The following SERPINB6 variants were observed in gnomAD, a reference collection of about 807,000 sequenced individuals.
SERPINB6 encodes the protein serpin B6.
In SERPINB6, 16 loss-of-function variants were observed where a neutral mutation model predicts 26.1. That is an observed-to-expected ratio of 0.61 (90% CI 0.42 to 0.93). SERPINB6 has a LOEUF of 0.93. Among genes scored for constraint, SERPINB6 ranks in the 40% least tolerant of loss-of-function variants. SERPINB6 has a pLI of 0.00. For missense variants in SERPINB6, 420 were observed against 478.0 expected (o/e 0.88, Z 1.13); for synonymous variants, 174 against 176.6 (o/e 0.99, Z 0.11).
intron 2 of SERPINB6, 54 bp downstream of exon 2, chr6:2,959,114 G>A (rs2113250226): frequency 2.5e-6 from 4 of 1,605,548 alleles, no homozygotes; most frequent in African/African-American, 1.3e-5. Context: ...TTTGGAATAA[G>A]GAGGACCAGC....
At position 2,971,251 on chromosome 6, in the gene SERPINB6, G is replaced by A. The variant is rs973747564; in HGVS notation, c.-11+282C>T. 83 of 891,802 alleles carry A rather than the reference G, an allele frequency of 9.3e-5. No homozygotes were observed. The African/African-American group carries it at 1.4e-3, about 15-fold the overall frequency. 55.2% of individuals were successfully genotyped at this position (891,802 alleles called of 1,614,324 possible). A position where few individuals can be genotyped will look rare whatever the true frequency, so the allele number is the denominator to read the frequency against. Reference sequence around the variant, plus strand: ...CTCGCGGCCACGCACGACTCACCCGGCCGCGTCGCCGTTCTCTGCCGCTGC... The same window carrying A: ...CTCGCGGCCACGCACGACTCACCCGACCGCGTCGCCGTTCTCTGCCGCTGC... On this transcript the variant is annotated intron_variant, in intron 1 of 6. Coordinates refer to ENST00000380539, the MANE Select transcript of SERPINB6 (RefSeq NM_004568.6).
rs569651117 is a variant in SERPINB6 at position 2,971,091 on chromosome 6, G to A, written c.-11+442C>T. 4 of 1,111,922 alleles carry A rather than the reference G, an allele frequency of 3.6e-6. No individual in the cohort carries two copies. The South Asian group carries it at 1.8e-4, about 50-fold the overall frequency. The allele number at this position is 1,111,922 out of a possible 1,614,324, so 68.9% of individuals were successfully genotyped here. A position where few individuals can be genotyped will look rare whatever the true frequency, so the allele number is the denominator to read the frequency against. On this transcript the variant is annotated intron_variant, in intron 1 of 6. Transcript: ENST00000380539. ...GTCGCGGAGCGGGCGAGGGGTCACC[G>A]AGGCCGCGGGGCCGACCGGGGTCAC...
At chr6:2,960,665 C>T (rs1488185162) in intron 1 of SERPINB6, 2 of 152,342 alleles carry the variant, frequency 1.3e-5, no homozygotes, top group East Asian at 3.8e-4. Context: ...TACTGGAGGC[C>T]CTGTGAGGAG....
In SERPINB6 at chr6:2,948,304, A is replaced by G. The variant is rs780073348; in HGVS notation, c.1125T>C (p.Ser375=). The change falls in exon 7 of 7, where the codon TCT becomes TCC. Residue 375 remains serine (S), a synonymous_variant. Transcript: ENST00000380539. This position sits in a 1 kb window ranked among gnomAD's most constrained non-coding sequence, Gnocchi z 5.0. ...CACCAAGACTGCCCTGTCCTCACGGAGAGGAAAAGCGGCCGCAGAAGAGAA... is the reference window on the plus strand; with the variant it reads ...CACCAAGACTGCCCTGTCCTCACGGGGAGGAAAAGCGGCCGCAGAAGAGAA... ...NGILFCGRFS[S]P The G allele has an allele frequency of 2.5e-6, 4 of 1,613,522 alleles. No homozygotes were observed. The highest frequency in any genetic ancestry group is 3.4e-6 in the Non-Finnish European group (4 of 1,179,954).
intron 3 of SERPINB6, 118 bp from the exon 4 acceptor site, chr6:2,954,827 A>G: frequency 1.3e-6 from 1 of 745,946 alleles, no homozygotes; most frequent in South Asian, 1.5e-5. Flanking sequence ...TACATAATTT[A>G]CAAATAAATA....
chr6:2,970,004 C>G (rs73347862), intron 1 of SERPINB6: 1 of 894,520 alleles, frequency 1.1e-6, no homozygotes, highest in African/African-American at 1.9e-5. Context: ...GTATGGAGCC[C>G]GGGAGGTGGA....
At chr6:2,958,528 G>A (rs973217627) in intron 2 of SERPINB6, among the ~76,000 whole-genome samples, 3 of 152,106 alleles carry the variant, frequency 2.0e-5, no homozygotes, top group African/African-American at 4.8e-5. Context: ...CCAGGCCTAC[G>A]GAAGCCCAGG....
chr6:2,964,577 T>C (rs577974245), intron 1 of SERPINB6, among the ~76,000 whole-genome samples: 1 of 152,330 alleles, frequency 6.6e-6, no homozygotes, highest in Admixed American at 6.5e-5. Flanking sequence ...TTTCACATTT[T>C]CTATAGCATA....
chr6:2,949,177 C>G (rs960929515), intron 5 of SERPINB6, 108 bp from the exon 6 acceptor site: 15 of 1,258,390 alleles, frequency 1.2e-5, no homozygotes, highest in Non-Finnish European at 1.5e-5. Flanking sequence ...AGCTCGGTTT[C>G]TCCCCAGCTT....
chr6:2,948,641 T>C lies in SERPINB6; in HGVS notation c.788A>G (p.Asp263Gly). 1 of 1,614,126 alleles carries C rather than the reference T, an allele frequency of 6.2e-7. No homozygotes were observed. Among genetic ancestry groups the C allele is most frequent in the South Asian group, 1.1e-5 (1 of 91,088 alleles). Residue 263 changes from aspartate (D) to glycine (G), a missense_variant, in exon 7 of 7, where the codon GAT (aspartate) becomes GGT (glycine). Coordinates refer to ENST00000380539, the MANE Select transcript of SERPINB6 (RefSeq NM_004568.6). This position sits in a 1 kb window ranked among gnomAD's most constrained non-coding sequence, Gnocchi z 5.0. ...GAGGGACACTTCCACCTCCTCTTCA[T>C]CCATCATGTCCAGCCTCGTCCATTC... Reference protein sequence around the residue: ...FVEWTRLDMMDEEEVEVSLPR... With the variant: ...FVEWTRLDMMGEEEVEVSLPR...
At chr6:2,970,724 CAAAAAAAAAAA>C (rs70995402) in intron 1 of SERPINB6, 8 of 1,071,662 alleles carry the variant, frequency 7.5e-6, no homozygotes, top group Admixed American at 5.8e-5. Flanking sequence ...ATCTTTAGGA[CAAAAAAAAAAA>C]AAAAAAAAAG....
chr6:2,955,048 T>C (rs1420107696), intron 3 of SERPINB6: 3 of 307,836 alleles, frequency 9.7e-6, no homozygotes, highest in Non-Finnish European at 6.2e-6. Flanking sequence ...AAATTAGCCA[T>C]GTATGGTGGC....
chr6:2,952,942 G>C, intron 5 of SERPINB6, 102 bp downstream of exon 5: 1 of 1,534,534 alleles, frequency 6.5e-7, no homozygotes. Context: ...CAAGCAGGAG[G>C]GGCAGGGACA....
chr6:2,953,193 G>A lies in SERPINB6; in HGVS notation c.431-7C>T, dbSNP rs1021273325. 1.2e-6 allele frequency: 2 copies of A among 1,614,132 alleles called. No individual in the cohort carries two copies. The highest frequency in any genetic ancestry group is 1.1e-5 in the South Asian group (1 of 91,082). On this transcript the variant is annotated splice_polypyrimidine_tract_variant and splice_region_variant and intron_variant, in intron 4 of 6. Coordinates refer to ENST00000380539, the MANE Select transcript of SERPINB6 (RefSeq NM_004568.6). ...AGCAACTCCGCAATTTTACCTGAGC[G>A]GAAGAATTCAAGACCGCATTAGATA...
chr6:2,963,234 TAATA>T (rs1771310306), intron 1 of SERPINB6, among the ~76,000 whole-genome samples: 1 of 152,192 alleles, frequency 6.6e-6, no homozygotes. Flanking sequence ...AGACAATAGC[TAATA>T]ATTATATTTA....
At position 2,948,388 on chromosome 6, in the gene SERPINB6, G is replaced by T; in HGVS notation, c.1041C>A (p.Pro347=). 1 of 1,614,190 alleles carries T rather than the reference G, an allele frequency of 6.2e-7. No homozygotes were observed. The highest frequency in any genetic ancestry group is 8.5e-7 in the Non-Finnish European group (1 of 1,180,024). The change falls in exon 7 of 7, where the codon CCC becomes CCA. Residue 347 remains proline, a synonymous_variant. Coordinates refer to ENST00000380539, the MANE Select transcript of SERPINB6 (RefSeq NM_004568.6). The surrounding 1 kb of genome is among the most constrained non-coding windows in gnomAD (Gnocchi z 5.0). ...GGAAGGGGTGGTCGGCGCAGAAGCG[G>T]GGGACGAATCTGGCACACCGCATCA... ...IMMMRCARFV[P]RFCADHPFLF... is the part of the protein sequence containing the mutation.
intron 2 of SERPINB6, among the ~76,000 whole-genome samples, chr6:2,958,903 A>G (rs1322102986): frequency 6.6e-6 from 1 of 152,162 alleles, no homozygotes; most frequent in Non-Finnish European, 1.5e-5. Flanking sequence ...ACAACCATCT[A>G]CAAACTCACG....
At chr6:2,970,459 A>G (rs1772035683) in intron 1 of SERPINB6, 7 of 1,097,024 alleles carry the variant, frequency 6.4e-6, no homozygotes, top group Non-Finnish European at 6.6e-6. Context: ...CCCAGCACAC[A>G]TAAAAGCCCC....
At chr6:2,955,814 C>G in intron 2 of SERPINB6, 144 bp from the exon 3 acceptor site, 1 of 860,028 alleles carries the variant, frequency 1.2e-6, no homozygotes, top group Non-Finnish European at 1.8e-6. Context: ...CAGCAGCTCA[C>G]GCCTATAATC....
Sources: allele counts gnomAD v4.1 joint callset (sites outside exome capture counted in the v4.1 genomes callset), GRCh38; gene constraint gnomAD v4.1.1; non-coding constraint Gnocchi (gnomAD v3.1); transcripts MANE v1.5; gene names NCBI Gene and HGNC (gene_info 2026-07-23, HGNC 2026-07-21).